The following EFR3A variants were observed in gnomAD, a reference collection of about 807,000 sequenced individuals.
The protein encoded by EFR3A is protein EFR3 homolog A.
A neutral mutation model predicts 104.4 loss-of-function variants in EFR3A; 76 were observed. The ratio of observed to expected loss-of-function variants is 0.73; its 90% CI spans 0.60 to 0.88. The LOEUF (loss-of-function observed/expected upper bound fraction) is 0.88, where lower values mean the gene tolerates loss of function less well. EFR3A is among the 40% of genes least tolerant of loss of function. EFR3A has a pLI of 0.00. For synonymous variants in EFR3A, 330 were observed against 330.0 expected, an observed-to-expected ratio of 1.00 and a Z score of 0.00; for missense variants, 985 against 1,012.5, an observed-to-expected ratio of 0.97 and a Z score of 0.37.
At chr8:131,983,228 C>T (rs191671146) in intron 14 of EFR3A, among the ~76,000 whole-genome samples, 19 of 152,048 alleles carry the variant, frequency 1.2e-4, no homozygotes, top group Admixed American at 9.2e-4. Flanking sequence ...GTGTTCTTAA[C>T]CCTGCCTGCC....
At chr8:131,972,906 T>C (rs1227476800) in intron 10 of EFR3A, among the ~76,000 whole-genome samples, 1 of 151,984 alleles carries the variant, frequency 6.6e-6, no homozygotes, top group Non-Finnish European at 1.5e-5. Flanking sequence ...TATGCATACA[T>C]GCATTTTGCA....
In EFR3A at chr8:131,953,859, G is replaced by A. The variant is rs374751461; in HGVS notation, c.530G>A (p.Arg177His). Residue 177 changes from arginine (R) to histidine (H), a missense_variant, in exon 6 of 23, where the codon CGC becomes CAC. By Grantham distance (29) the Arg-to-His change is conservative. Coordinates refer to ENST00000254624, the MANE Select transcript of EFR3A (RefSeq NM_015137.6). ...ATTAGAGGTATTCAAGGTGTGGTTC[G>A]CAAAACAGTCAACGATGAACTTCGG... ...AGIRGIQGVV[R>H]KTVNDELRAT... 7.0e-6 allele frequency: 11 copies of A among 1,563,790 alleles called. No homozygotes were observed. Among genetic ancestry groups the A allele is most frequent in the African/African-American group, 4.1e-5 (3 of 72,860 alleles).
chr8:131,914,405 C>T (rs890890313), intron 1 of EFR3A, among the ~76,000 whole-genome samples: 1 of 152,186 alleles, frequency 6.6e-6, no homozygotes, highest in Admixed American at 6.5e-5. Flanking sequence ...TACAGAAGCT[C>T]CTTCCCCTGG....
chr8:131,990,015 G>A (rs919725933), intron 18 of EFR3A, among the ~76,000 whole-genome samples: 1 of 152,166 alleles, frequency 6.6e-6, no homozygotes, highest in African/African-American at 2.4e-5. Context: ...CATCTGAATC[G>A]TTCAGAGGTA....
intron 6 of EFR3A, among the ~76,000 whole-genome samples, chr8:131,954,501 T>G (rs1818876041): frequency 1.3e-5 from 2 of 151,914 alleles, no homozygotes; most frequent in African/African-American, 4.8e-5. Flanking sequence ...TATTTTTTCT[T>G]TTTCCTCTAC....
At chr8:132,005,909 T>C (rs1453896271) in intron 22 of EFR3A, among the ~76,000 whole-genome samples, 1 of 152,152 alleles carries the variant, frequency 6.6e-6, no homozygotes, top group Non-Finnish European at 1.5e-5. Flanking sequence ...TGTTAAGACA[T>C]CATATTGAGT....
chr8:131,985,704 T>C (rs1820838093), intron 16 of EFR3A, among the ~76,000 whole-genome samples: 1 of 152,126 alleles, frequency 6.6e-6, no homozygotes, highest in Non-Finnish European at 1.5e-5. Flanking sequence ...AATCAGACAT[T>C]TGAGTGAATA....
rs1441651479 is a variant in EFR3A, at chr8:131,994,817, C to T, written c.2066-1589C>T. Among the ~76,000 whole-genome samples, 5 of 151,992 alleles carry T rather than the reference C, an allele frequency of 3.3e-5. No individual in the cohort carries two copies. In the East Asian group the frequency reaches 5.8e-4, roughly 18 times the overall value. ...ATGTTGAACTCAGAAAAGGAGGTGC[C>T]GGAATCCTGCTCAGTCACACAAGTA... On this transcript the variant is annotated intron_variant, in intron 18 of 22. Coordinates refer to ENST00000254624, the MANE Select transcript of EFR3A (RefSeq NM_015137.6).
At chr8:131,917,514 G>T (rs1323627433) in intron 1 of EFR3A, among the ~76,000 whole-genome samples, 1 of 152,162 alleles carries the variant, frequency 6.6e-6, no homozygotes, top group Non-Finnish European at 1.5e-5. Context: ...GTATAATTGT[G>T]GTTTGGATGC....
chr8:131,956,046 G>A, intron 7 of EFR3A, 141 bp downstream of exon 7: 1 of 975,752 alleles, frequency 1.0e-6, no homozygotes, highest in Non-Finnish European at 1.5e-6. Flanking sequence ...AAGTAGTACA[G>A]GACTGAGTCA....
intron 1 of EFR3A, among the ~76,000 whole-genome samples, chr8:131,914,112 G>C (rs1402596747): frequency 6.6e-6 from 1 of 152,188 alleles, no homozygotes; most frequent in East Asian, 1.9e-4. Flanking sequence ...ACCATCTGCT[G>C]CAGCTGGCTC....
rs193153450 is a variant in EFR3A at position 131,970,539 on chromosome 8, A to G, written c.1055A>G (p.Glu352Gly). Residue 352 changes from glutamate to glycine, a missense_variant, in exon 10 of 23, where the codon GAA becomes GGA. Transcript: ENST00000254624. ...LKHLRLSVEFEANDLQGGSVG... is the reference protein window; with the variant it reads ...LKHLRLSVEFGANDLQGGSVG... ...CATCTGCGTCTCAGCGTTGAATTCG[A>G]AGCAAATGATTTACAGGGGGGATCT... 6.2e-7 allele frequency: 1 copy of G among 1,613,928 alleles called. No individual in the cohort carries two copies. Among genetic ancestry groups the G allele is most frequent in the East Asian group, 2.2e-5 (1 of 44,854 alleles).
At chr8:131,936,498 C>T (rs1437913111) in intron 1 of EFR3A, among the ~76,000 whole-genome samples, 1 of 151,762 alleles carries the variant, frequency 6.6e-6, no homozygotes, top group Non-Finnish European at 1.5e-5. Context: ...TCCCCTCCAG[C>T]ACACACACAC....
intron 1 of EFR3A, among the ~76,000 whole-genome samples, chr8:131,922,669 G>A (rs1379316019): frequency 2.6e-5 from 4 of 152,112 alleles, no homozygotes; most frequent in Admixed American, 2.0e-4. Flanking sequence ...TAAATGGACA[G>A]CCTTGTTTCC....
chr8:131,984,269 T>C lies in EFR3A; in HGVS notation c.1706T>C (p.Ile569Thr), dbSNP rs767412376. The change falls in exon 15 of 23, where the codon ATT becomes ACT. Residue 569 changes from isoleucine (I) to threonine (T), a missense_variant. Coordinates refer to ENST00000254624, the MANE Select transcript of EFR3A (RefSeq NM_015137.6). Reference protein sequence around the residue: ...TIELANEEVVIDLIRLAIALQ... With the variant: ...TIELANEEVVTDLIRLAIALQ... ...GAACTGGCTAATGAAGAAGTAGTTA[T>C]TGATCTCATTCGACTGGCCATTGCT... 1.9e-6 allele frequency: 3 copies of C among 1,606,238 alleles called. No homozygotes were observed. Among genetic ancestry groups the C allele is most frequent in the Non-Finnish European group, 2.5e-6 (3 of 1,176,596 alleles).
At position 132,010,881 on chromosome 8, in the gene EFR3A, C is replaced by T. The variant is rs1182684251; in HGVS notation, c.2452C>T (p.Leu818=). ...VPVYEMKFPD[L]CVY Reference sequence around the variant, plus strand: ...AGTCTATGAGATGAAGTTTCCAGATCTGTGTGTGTACTGATCGGCGCATGA... The same window carrying T: ...AGTCTATGAGATGAAGTTTCCAGATTTGTGTGTGTACTGATCGGCGCATGA... Residue 818 remains leucine (L), a synonymous_variant, in exon 23 of 23, where the codon CTG becomes TTG. Coordinates refer to ENST00000254624, the MANE Select transcript of EFR3A (RefSeq NM_015137.6). 6.2e-7 allele frequency: 1 copy of T among 1,612,244 alleles called. No individual in the cohort carries two copies. Among genetic ancestry groups the T allele is most frequent in the Non-Finnish European group, 8.5e-7 (1 of 1,178,740 alleles).
intron 1 of EFR3A, among the ~76,000 whole-genome samples, chr8:131,905,573 A>T (rs115899489): frequency 1.4e-4 from 22 of 152,292 alleles, no homozygotes; most frequent in African/African-American, 5.3e-4. Flanking sequence ...TTCTTCACAC[A>T]CTACTGTGTG....
intron 22 of EFR3A, among the ~76,000 whole-genome samples, chr8:132,005,596 C>T (rs906661624): frequency 1.3e-5 from 2 of 152,008 alleles, no homozygotes; most frequent in Non-Finnish European, 2.9e-5. Context: ...GGACAAGATA[C>T]ATATAGTTTG....
intron 10 of EFR3A, among the ~76,000 whole-genome samples, chr8:131,974,792 TG>T (rs1314929982): frequency 2.0e-5 from 3 of 152,228 alleles, no homozygotes; most frequent in Non-Finnish European, 2.9e-5. Flanking sequence ...TTGTGGGAAA[TG>T]ACTTTTACCC....
Sources: allele counts gnomAD v4.1 joint callset (sites outside exome capture counted in the v4.1 genomes callset), GRCh38; gene constraint gnomAD v4.1.1; transcripts MANE v1.5; gene names NCBI Gene and HGNC (gene_info 2026-07-23, HGNC 2026-07-21).